The following HECW1 variants were observed in gnomAD, a reference collection of about 807,000 sequenced individuals.
The protein encoded by HECW1 is HECT, C2 and WW domain containing E3 ubiquitin protein ligase 1.
In HECW1, 61 loss-of-function variants were observed where a neutral mutation model predicts 182.3. The ratio of observed to expected loss-of-function variants is 0.33; its 90% confidence interval spans 0.27 to 0.41. HECW1 has a LOEUF of 0.41. Among genes scored for constraint, HECW1 ranks in the 10% least tolerant of loss-of-function variants. HECW1 has a pLI of 1.00. For missense variants in HECW1, 1,739 were observed against 2,108.9 expected, an observed-to-expected ratio of 0.82 and a Z score of 3.44; for synonymous variants, 859 against 832.6, an observed-to-expected ratio of 1.03 and a Z score of -0.55.
chr7:43,522,896 C>T (rs2080561086), intron 24 of HECW1, among the ~76,000 whole-genome samples: 1 of 152,186 alleles, frequency 6.6e-6, no homozygotes, highest in Non-Finnish European at 1.5e-5. Context: ...AACTCTGCTT[C>T]CCTAATATTT....
At chr7:43,492,009 C>T (rs1460137282) in intron 17 of HECW1, 66 bp from the exon 18 acceptor site, 3 of 1,149,018 alleles carry the variant, frequency 2.6e-6, no homozygotes, top group Non-Finnish European at 3.8e-6. Context: ...GGTTGAAAAA[C>T]TGGTATCAAG....
chr7:43,424,895 A>G (rs2076307299), intron 8 of HECW1, among the ~76,000 whole-genome samples: 1 of 152,172 alleles, frequency 6.6e-6, no homozygotes, highest in Admixed American at 6.5e-5. Flanking sequence ...GGTATTATGT[A>G]TCTTGTAAAA....
At chr7:43,315,440 C>T (rs1809093654) in intron 4 of HECW1, among the ~76,000 whole-genome samples, 1 of 150,284 alleles carries the variant, frequency 6.7e-6, no homozygotes, top group Admixed American at 6.6e-5. Context: ...TAGATTCTCC[C>T]CATATCTCCC....
intron 16 of HECW1, among the ~76,000 whole-genome samples, chr7:43,471,705 GGA>G (rs1219872196): frequency 2.0e-5 from 3 of 152,132 alleles, no homozygotes; most frequent in African/African-American, 7.2e-5. Flanking sequence ...CTAAGCTGAG[GGA>G]GGCAGTCACC....
At chr7:43,186,688 A>AT (rs1793440681) in intron 2 of HECW1, among the ~76,000 whole-genome samples, 1 of 145,412 alleles carries the variant, frequency 6.9e-6, no homozygotes, top group Non-Finnish European at 1.5e-5. Flanking sequence ...AAAAAAAAAA[A>AT]GGATTATCAT....
intron 24 of HECW1, chr7:43,509,385 A>G (rs796701012): frequency 2.8e-5 from 10 of 352,722 alleles, no homozygotes; most frequent in African/African-American, 1.9e-4. Flanking sequence ...CGCTAAGATC[A>G]GTAGACATAG....
intron 2 of HECW1, among the ~76,000 whole-genome samples, chr7:43,184,031 T>C (rs554479984): frequency 6.6e-6 from 1 of 152,136 alleles, no homozygotes; most frequent in South Asian, 2.1e-4. Context: ...TTTTTTTTTT[T>C]GAGACAAAGT....
chr7:43,308,268 T>TTATATATTATATGATATATTTA (rs1166803529), intron 3 of HECW1, among the ~76,000 whole-genome samples: 2 of 102,432 alleles, frequency 2.0e-5, no homozygotes, highest in East Asian at 2.2e-4. Context: ...TATGATATAT[T>TTATATATTATATGATATATTTA]TATATATTAT....
intron 2 of HECW1, among the ~76,000 whole-genome samples, chr7:43,214,057 ATCT>A (rs1261348231): frequency 6.6e-6 from 1 of 151,778 alleles, no homozygotes; most frequent in Non-Finnish European, 1.5e-5. Flanking sequence ...GGTGATTGTA[ATCT>A]TCTATATTAC....
Position 43,550,326 on chromosome 7 carries a change from A to G in HECW1, c.4249-119A>G, listed in dbSNP as rs140186624. On this transcript the variant is annotated intron_variant, in intron 26 of 29. Transcript: ENST00000395891. ...AGGAAAAAAGACTCCAGGGATAATA[A>G]TGCTGAATAATGCCCTGTAGAGGAT... 503 of 1,055,920 alleles carry G rather than the reference A, an allele frequency of 4.8e-4. 5 individuals carry two copies. In the East Asian group the frequency reaches 0.011, roughly 23 times the overall value. 65.4% of individuals were successfully genotyped at this position (1,055,920 alleles called of 1,614,324 possible). A position where few individuals can be genotyped will look rare whatever the true frequency, so the allele number is the denominator to read the frequency against.
intron 2 of HECW1, among the ~76,000 whole-genome samples, chr7:43,208,405 A>T (rs373272170): frequency 4.6e-5 from 7 of 152,264 alleles, no homozygotes; most frequent in African/African-American, 1.7e-4. Context: ...TGACATTCTT[A>T]TTTTAAGTGT....
At chr7:43,158,574 G>A (rs924892723) in intron 2 of HECW1, among the ~76,000 whole-genome samples, 2 of 152,084 alleles carry the variant, frequency 1.3e-5, no homozygotes, top group Admixed American at 1.3e-4. Context: ...TTAAAAACTG[G>A]ATATTTCATG....
chr7:43,230,418 A>G (rs1797780637), intron 2 of HECW1, among the ~76,000 whole-genome samples: 1 of 152,128 alleles, frequency 6.6e-6, no homozygotes, highest in African/African-American at 2.4e-5. Flanking sequence ...AAAAACAACC[A>G]GTGTCATGGA....
At chr7:43,154,532 TG>T (rs1789673029) in intron 2 of HECW1, among the ~76,000 whole-genome samples, 1 of 152,252 alleles carries the variant, frequency 6.6e-6, no homozygotes, top group Admixed American at 6.5e-5. Context: ...TAGTAATCAG[TG>T]GTTTTCACGA....
intron 24 of HECW1, among the ~76,000 whole-genome samples, chr7:43,527,939 A>T (rs2080823986): frequency 6.6e-6 from 1 of 152,234 alleles, no homozygotes; most frequent in Non-Finnish European, 1.5e-5. Flanking sequence ...CAACCTGGAG[A>T]ACTAATGACT....
At chr7:43,387,613 C>T (rs2074850859) in intron 6 of HECW1, among the ~76,000 whole-genome samples, 1 of 152,190 alleles carries the variant, frequency 6.6e-6, no homozygotes, top group African/African-American at 2.4e-5. Context: ...ATACTGATAA[C>T]TCATAGGTGT....
chr7:43,263,545 G>A (rs768732262), intron 3 of HECW1, among the ~76,000 whole-genome samples: 4 of 152,154 alleles, frequency 2.6e-5, no homozygotes, highest in African/African-American at 4.8e-5. Context: ...ATTTTCAGTA[G>A]AGACAGGGTT....
At chr7:43,491,014 A>G (rs2078911340) in intron 17 of HECW1, among the ~76,000 whole-genome samples, 1 of 152,148 alleles carries the variant, frequency 6.6e-6, no homozygotes, top group African/African-American at 2.4e-5. Flanking sequence ...CAGCCTCCCA[A>G]AGTGCTGGGA....
intron 7 of HECW1, among the ~76,000 whole-genome samples, chr7:43,398,142 A>G (rs928338904): frequency 2.6e-5 from 4 of 152,124 alleles, no homozygotes; most frequent in Non-Finnish European, 5.9e-5. Flanking sequence ...CTGTAGTCCC[A>G]GCTACTTGGG....
Sources: allele counts gnomAD v4.1 joint callset (sites outside exome capture counted in the v4.1 genomes callset), GRCh38; gene constraint gnomAD v4.1.1; transcripts MANE v1.5; gene names NCBI Gene and HGNC (gene_info 2026-07-23, HGNC 2026-07-21).